Variants in IGF2BP1 observed in about 807,000 individuals in gnomAD.
IGF2BP1 encodes the protein insulin like growth factor 2 mRNA binding protein 1.
In IGF2BP1, 11 loss-of-function variants were observed where a neutral mutation model predicts 74.9. That is an observed-to-expected ratio of 0.15 (90% CI 0.09 to 0.24). The LOEUF is 0.24. Ranked by LOEUF, IGF2BP1 falls within the 10% of genes least tolerant of loss-of-function variation. The probability of loss-of-function intolerance (pLI) is 1.00; values close to 1 mark genes in which losing one functional copy is unlikely to be tolerated. For synonymous variants in IGF2BP1, 287 were observed against 281.8 expected, an observed-to-expected ratio of 1.02 and a Z score of -0.18; for missense variants, 440 against 757.4, an observed-to-expected ratio of 0.58 and a Z score of 4.92.
At chr17:49,012,775 C>T (rs2041636452) in intron 2 of IGF2BP1, among the ~76,000 whole-genome samples, 2 of 152,080 alleles carry the variant, frequency 1.3e-5, no homozygotes, top group South Asian at 4.1e-4. Flanking sequence ...CCTCTGTCGC[C>T]CAGGGTGGAG....
intron 4 of IGF2BP1, among the ~76,000 whole-genome samples, chr17:49,027,853 GAAAAAAAAAA>G (rs777784396): frequency 1.4e-4 from 6 of 42,892 alleles, no homozygotes; most frequent in African/African-American, 4.8e-4. Flanking sequence ...CTCTGTCTCA[GAAAAAAAAAA>G]AAAAAAAAAA....
At position 48,997,763 on chromosome 17, in the gene IGF2BP1, C is replaced by A. The variant is rs755620876; in HGVS notation, c.18C>A (p.Ile6=). Residue 6 remains isoleucine (I), a synonymous_variant, in exon 1 of 15, where the codon ATC becomes ATA. Transcript: ENST00000290341. The surrounding 1 kb of genome is among the most constrained non-coding windows in gnomAD (Gnocchi z 4.8). MNKLY[I]GNLNESVTPA... ...CCGCCACCATGAACAAGCTTTACAT[C>A]GGCAACCTCAACGAGAGCGTGACCC... is the stretch of plus-strand genomic sequence containing the variant. 1.2e-6 allele frequency: 2 copies of A among 1,613,870 alleles called. No individual in the cohort carries two copies. The highest frequency in any genetic ancestry group is 1.7e-5 in the Admixed American group (1 of 59,980).
rs1369294463 is a variant in IGF2BP1 at position 49,049,378 on chromosome 17, C to T, written c.1668C>T (p.Ile556=). The T allele has an allele frequency of 1.3e-5, 21 of 1,614,014 alleles. No individual in the cohort carries two copies. Among genetic ancestry groups the T allele is most frequent in the Non-Finnish European group, 1.7e-5 (20 of 1,180,018 alleles). ...SQMAQRKIRD[I]LAQVKQQHQK... ...TGGCTCAACGGAAGATCCGAGACATCCTGGCCCAGGTTAAGCAGCAGCATC... is the reference window on the plus strand; with the variant it reads ...TGGCTCAACGGAAGATCCGAGACATTCTGGCCCAGGTTAAGCAGCAGCATC... Residue 556 remains isoleucine (I), a synonymous_variant, in exon 15 of 15, where the codon ATC becomes ATT. Coordinates refer to ENST00000290341, the MANE Select transcript of IGF2BP1 (RefSeq NM_006546.4).
chr17:49,019,921 T>C (rs1172236505), intron 2 of IGF2BP1, among the ~76,000 whole-genome samples: 3 of 55,570 alleles, frequency 5.4e-5, no homozygotes, highest in African/African-American at 3.4e-4. Context: ...TATATATATA[T>C]ATATATATAT....
chr17:49,039,809 A>T, intron 6 of IGF2BP1, 148 bp from the exon 7 acceptor site: 1 of 807,698 alleles, frequency 1.2e-6, no homozygotes, highest in Non-Finnish European at 2.0e-6. Flanking sequence ...CAGTCCTTTC[A>T]TTGCCCTTCC....
Position 49,043,454 on chromosome 17 carries a change from G to A in IGF2BP1, c.1104G>A (p.Leu368=). The A allele has an allele frequency of 6.2e-7, 1 of 1,614,046 alleles. No homozygotes were observed. The highest frequency in any genetic ancestry group is 8.5e-7 in the Non-Finnish European group (1 of 1,179,980). ...TGCAGTCTCACCTGATCCCTGGCCTGAACCTGGCTGCTGTAGGTCTTTTCC... is the reference window on the plus strand; with the variant it reads ...TGCAGTCTCACCTGATCCCTGGCCTAAACCTGGCTGCTGTAGGTCTTTTCC... ...MSLQSHLIPG[L]NLAAVGLFPA... is the part of the protein sequence containing the mutation. Residue 368 remains leucine, a synonymous_variant, in exon 10 of 15, where the codon CTG becomes CTA. Coordinates refer to ENST00000290341, the MANE Select transcript of IGF2BP1 (RefSeq NM_006546.4).
chr17:49,047,580 T>C (rs2042119732), intron 14 of IGF2BP1, among the ~76,000 whole-genome samples: 1 of 152,078 alleles, frequency 6.6e-6, no homozygotes, highest in African/African-American at 2.4e-5. Flanking sequence ...TATATTAATA[T>C]TAAACACTGA....
Position 49,055,157 on chromosome 17 carries a change from C to CAA in IGF2BP1, c.*5723_*5724dup, listed in dbSNP as rs374008080. 0.53 allele frequency: 77,589 copies of CAA among 146,006 alleles called. 21,021 individuals carry two copies. Among genetic ancestry groups the CAA allele is most frequent in the African/African-American group, 0.65 (25,783 of 39,740 alleles). 9.0% of individuals were successfully genotyped at this position (146,006 alleles called of 1,614,324 possible). On this transcript the variant is annotated 3_prime_UTR_variant, in exon 15 of 15. Coordinates refer to ENST00000290341, the MANE Select transcript of IGF2BP1 (RefSeq NM_006546.4). ...AAAATAAAATTAAAAAAAAAAAAAC[C>CAA]AAAAAAAAAAATTTTTTTTTAAAAG...
chr17:49,028,659 C>G (rs912628277), intron 4 of IGF2BP1, among the ~76,000 whole-genome samples: 1 of 152,194 alleles, frequency 6.6e-6, no homozygotes, highest in African/African-American at 2.4e-5. Context: ...GTAACACACC[C>G]TGTCTGGAAG....
At chr17:49,038,560 A>G (rs773209368) in intron 6 of IGF2BP1, 111 bp downstream of exon 6, 463 of 1,166,928 alleles carry the variant, frequency 4.0e-4, no homozygotes, top group Non-Finnish European at 4.7e-4. Flanking sequence ...CTTTTAGGAA[A>G]TGTTGCCTGG....
At chr17:49,016,692 G>C (rs879562979) in intron 2 of IGF2BP1, among the ~76,000 whole-genome samples, 5 of 151,988 alleles carry the variant, frequency 3.3e-5, no homozygotes, top group Non-Finnish European at 7.4e-5. Flanking sequence ...GGCTTTCTTC[G>C]TGGTGGTGGC....
chr17:49,019,986 AC>A (rs2041770288), intron 2 of IGF2BP1, among the ~76,000 whole-genome samples: 1 of 64,704 alleles, frequency 1.5e-5, no homozygotes, highest in African/African-American at 1.1e-4. Context: ...ATACACCCAC[AC>A]ATATATATAC....
chr17:49,008,181 A>T (rs1363068679), intron 2 of IGF2BP1, among the ~76,000 whole-genome samples: 2 of 151,886 alleles, frequency 1.3e-5, no homozygotes, highest in African/African-American at 2.4e-5. Flanking sequence ...TCAAAAAAAA[A>T]AAAAAAAGTA....
In IGF2BP1 at chr17:49,049,449, C is replaced by T. The variant is rs2042143590; in HGVS notation, c.*5C>T. 6.2e-7 allele frequency: 1 copy of T among 1,611,666 alleles called. No homozygotes were observed. Among genetic ancestry groups the T allele is most frequent in the Non-Finnish European group, 8.5e-7 (1 of 1,177,864 alleles). On this transcript the variant is annotated 3_prime_UTR_variant, in exon 15 of 15. Coordinates refer to ENST00000290341, the MANE Select transcript of IGF2BP1 (RefSeq NM_006546.4). The stretch of plus-strand genomic sequence containing the variant: ...GCCCAGGCACGGAGGAAGTGACCAG[C>T]CCCTCCCTGTCCCTTCGAGTCCAGG...
At position 49,043,531 on chromosome 17, in the gene IGF2BP1, C is replaced by T; in HGVS notation, c.1181C>T (p.Ala394Val). The T allele has an allele frequency of 1.9e-6, 3 of 1,614,096 alleles. No homozygotes were observed. Among genetic ancestry groups the T allele is most frequent in the Middle Eastern group, 1.7e-4 (1 of 6,060 alleles). ...CCTCCCAGCAGCGTTACTGGGGCTG[C>T]TCCCTATAGCTCCTTTATGGTAGGT... ...PPPPSSVTGA[A>V]PYSSFMQAPE... is the part of the protein sequence containing the mutation. Residue 394 changes from alanine (A) to valine (V), a missense_variant, in exon 10 of 15, where the codon GCT becomes GTT. Around this residue, in one of 5 missense-constraint regions of IGF2BP1, gnomAD observed 31 missense variants for 27.0 expected, o/e 1.15. Transcript: ENST00000290341.
At chr17:49,003,271 T>G (rs1057248027) in intron 2 of IGF2BP1, among the ~76,000 whole-genome samples, 2 of 152,212 alleles carry the variant, frequency 1.3e-5, no homozygotes, top group South Asian at 4.1e-4. Context: ...TCTATGTGTG[T>G]GGGTACTTTT....
intron 2 of IGF2BP1, among the ~76,000 whole-genome samples, chr17:49,019,923 TATATATATATATATA>T (rs2041760405): frequency 3.4e-5 from 2 of 58,038 alleles, no homozygotes; most frequent in East Asian, 3.3e-4. Flanking sequence ...TATATATATA[TATATATATATATATA>T]TATATATATA....
At chr17:49,034,384 G>A (rs141961318) in intron 5 of IGF2BP1, among the ~76,000 whole-genome samples, 51,047 of 150,532 alleles carry the variant, frequency 0.34, 9,128 homozygotes, top group African/African-American at 0.42. Context: ...CTCCCAAAGT[G>A]TTGGGATTAC....
Position 49,045,891 on chromosome 17 carries a change from C to T in IGF2BP1, c.1397C>T (p.Ala466Val). 2 of 1,613,532 alleles carry T rather than the reference C, an allele frequency of 1.2e-6. No homozygotes were observed. The highest frequency in any genetic ancestry group is 1.7e-6 in the Non-Finnish European group (2 of 1,179,646). ...ITGPPEAQFK[A>V]QGRIYGKLKE... ...TTAACAATTACCTCCTCTTCTCAGGCTCAGGGAAGAATCTATGGCAAACTC... is the reference window on the plus strand; with the variant it reads ...TTAACAATTACCTCCTCTTCTCAGGTTCAGGGAAGAATCTATGGCAAACTC... The change falls in exon 13 of 15, where the codon GCT becomes GTT. Residue 466 changes from alanine (A) to valine (V), a missense_variant and splice_region_variant. By Grantham distance (64) the Ala-to-Val change is moderately conservative (BLOSUM62 0). Coordinates refer to ENST00000290341, the MANE Select transcript of IGF2BP1 (RefSeq NM_006546.4).
Sources: gnomAD v4.1 joint callset for allele counts (sites outside exome capture counted in the v4.1 genomes callset) on GRCh38, gnomAD v4.1.1 for gene constraint, gnomAD v4.1.1 regional missense constraint, Gnocchi (gnomAD v3.1) non-coding constraint, MANE v1.5 for transcripts, NCBI Gene and HGNC (gene_info 2026-07-23, HGNC 2026-07-21) for gene names.